The following TSPAN18 variants were observed in gnomAD, a reference collection of about 807,000 sequenced individuals.
TSPAN18 encodes tetraspanin-18.
In TSPAN18, 14 loss-of-function variants were observed where a neutral mutation model predicts 27.3. That is an observed-to-expected ratio of 0.51 (90% CI 0.34 to 0.80). The LOEUF is 0.80. Among genes scored for constraint, TSPAN18 ranks in the 30% least tolerant of loss-of-function variants. The pLI, the probability that TSPAN18 is intolerant of heterozygous loss-of-function variation, is 0.01. For synonymous variants in TSPAN18, 143 were observed against 136.5 expected (o/e 1.05, Z -0.33); for missense variants, 268 against 323.9 (o/e 0.83, Z 1.32).
intron 7 of TSPAN18, 123 bp downstream of exon 7, chr11:44,919,435 A>G (rs1860041817): frequency 2.3e-6 from 2 of 859,726 alleles, no homozygotes; most frequent in Admixed American, 3.9e-5. Context: ...CTGGCCTTGG[A>G]ATCACCATCC....
At chr11:44,850,499 G>T (rs1857575528) in intron 2 of TSPAN18, among the ~76,000 whole-genome samples, 1 of 152,120 alleles carries the variant, frequency 6.6e-6, no homozygotes, top group South Asian at 2.1e-4. Flanking sequence ...TGCATAAGCT[G>T]CCTGGCTTGG....
Position 44,919,987 on chromosome 11 carries a change from C to G in TSPAN18, c.603C>G (p.Phe201Leu), listed in dbSNP as rs757975447. ...REECLLGRSLFLNKQGCYTVI... is the reference protein window; with the variant it reads ...REECLLGRSLLLNKQGCYTVI... ...AGTGCCTCCTGGGAAGGAGCCTATT[C>G]CTAAACAAGCAGGTACTGGCCCTGC... The change falls in exon 8 of 10, where the codon TTC (phenylalanine) becomes TTG (leucine). Residue 201 changes from phenylalanine to leucine, a missense_variant. Physicochemically the swap from Phe to Leu is conservative, Grantham distance 22 (BLOSUM62 0). Coordinates refer to ENST00000520358, the MANE Select transcript of TSPAN18 (RefSeq NM_130783.5). The G allele has an allele frequency of 3.8e-5, 61 of 1,613,432 alleles. No individual in the cohort carries two copies. The Admixed American group carries it at 1.0e-3, about 27-fold the overall frequency.
At chr11:44,840,112 ACTC>A (rs1234913602) in intron 2 of TSPAN18, among the ~76,000 whole-genome samples, 1 of 151,992 alleles carries the variant, frequency 6.6e-6, no homozygotes, top group Non-Finnish European at 1.5e-5. Flanking sequence ...CAGAGAGAAA[ACTC>A]CTGAGGCCAG....
At chr11:44,843,550 G>C (rs1335375890) in intron 2 of TSPAN18, among the ~76,000 whole-genome samples, 3 of 152,114 alleles carry the variant, frequency 2.0e-5, no homozygotes, top group Non-Finnish European at 2.9e-5. Flanking sequence ...GAGATCAACC[G>C]GTCTGACCAA....
At chr11:44,850,720 T>C (rs761492720) in intron 2 of TSPAN18, among the ~76,000 whole-genome samples, 5 of 152,128 alleles carry the variant, frequency 3.3e-5, no homozygotes, top group African/African-American at 1.2e-4. Flanking sequence ...GGTCACATAG[T>C]AAGTGATGAG....
At chr11:44,888,469 C>T (rs1443941953) in intron 3 of TSPAN18, among the ~76,000 whole-genome samples, 3 of 152,144 alleles carry the variant, frequency 2.0e-5, no homozygotes, top group Non-Finnish European at 4.4e-5. Flanking sequence ...CTAGTACCCC[C>T]TGTATTCTCT....
At chr11:44,844,718 A>G (rs975484661) in intron 2 of TSPAN18, among the ~76,000 whole-genome samples, 5 of 152,146 alleles carry the variant, frequency 3.3e-5, no homozygotes, top group Non-Finnish European at 7.4e-5. Context: ...AGTTCTTTAT[A>G]TATTTCGGAT....
At chr11:44,870,233 C>G (rs1399259429) in intron 3 of TSPAN18, among the ~76,000 whole-genome samples, 1 of 152,178 alleles carries the variant, frequency 6.6e-6, no homozygotes. Flanking sequence ...ATGTGGCATA[C>G]ATTTGCCATC....
intron 2 of TSPAN18, among the ~76,000 whole-genome samples, 181 bp downstream of exon 2, chr11:44,764,693 C>T (rs1855526782): frequency 6.6e-6 from 1 of 152,190 alleles, no homozygotes. Context: ...CACCCCTAGA[C>T]ATTTACTCAT....
At chr11:44,801,050 A>G (rs768349535) in intron 2 of TSPAN18, among the ~76,000 whole-genome samples, 2 of 152,158 alleles carry the variant, frequency 1.3e-5, no homozygotes, top group African/African-American at 4.8e-5. Context: ...TTGTCCCCTC[A>G]TATCTATGGA....
intron 6 of TSPAN18, among the ~76,000 whole-genome samples, chr11:44,918,283 C>G (rs907706357): frequency 6.6e-6 from 1 of 152,230 alleles, no homozygotes; most frequent in East Asian, 1.9e-4. Flanking sequence ...CTGGTACAAC[C>G]CCATACCTTA....
chr11:44,801,386 GTC>G (rs1474766414), intron 2 of TSPAN18, among the ~76,000 whole-genome samples: 1 of 152,154 alleles, frequency 6.6e-6, no homozygotes, highest in African/African-American at 2.4e-5. Flanking sequence ...GTCCCTGTCT[GTC>G]TCTGTCTCTG....
At chr11:44,915,798 C>G (rs143859483) in intron 5 of TSPAN18, among the ~76,000 whole-genome samples, 1 of 152,324 alleles carries the variant, frequency 6.6e-6, no homozygotes, top group East Asian at 1.9e-4. Flanking sequence ...CTTCCCTTCT[C>G]CAGCTTCAGC....
intron 2 of TSPAN18, among the ~76,000 whole-genome samples, chr11:44,812,680 C>G (rs1046321387): frequency 4.9e-4 from 74 of 152,206 alleles, no homozygotes; most frequent in African/African-American, 1.7e-3. Flanking sequence ...CCAAAGGGTG[C>G]CAGGGATCAT....
At chr11:44,865,909 C>T (rs977941082) in intron 3 of TSPAN18, among the ~76,000 whole-genome samples, 15 of 152,232 alleles carry the variant, frequency 9.9e-5, no homozygotes, top group African/African-American at 3.6e-4. Context: ...TATGGGGTCT[C>T]AGAGTCCTGG....
At chr11:44,812,775 G>A (rs1856745361) in intron 2 of TSPAN18, among the ~76,000 whole-genome samples, 1 of 152,220 alleles carries the variant, frequency 6.6e-6, no homozygotes, top group Non-Finnish European at 1.5e-5. Flanking sequence ...GTATCTGAGG[G>A]AGGGAGAGGG....
chr11:44,861,580 C>T (rs1857887573), intron 3 of TSPAN18, among the ~76,000 whole-genome samples: 1 of 151,624 alleles, frequency 6.6e-6, no homozygotes, highest in African/African-American at 2.4e-5. Flanking sequence ...AGGGAAAATC[C>T]AAGCATTATT....
chr11:44,881,286 T>C (rs1858482499), intron 3 of TSPAN18, among the ~76,000 whole-genome samples: 1 of 152,184 alleles, frequency 6.6e-6, no homozygotes, highest in South Asian at 2.1e-4. Context: ...GCCAGTCCTG[T>C]CCTGGTGAGC....
intron 2 of TSPAN18, among the ~76,000 whole-genome samples, chr11:44,800,550 C>T (rs1856457208): frequency 6.6e-6 from 1 of 152,206 alleles, no homozygotes. Context: ...GTATGAAGTT[C>T]CCCTTCCATA....
Sources: gnomAD v4.1 joint callset for allele counts (sites outside exome capture counted in the v4.1 genomes callset) on GRCh38, gnomAD v4.1.1 for gene constraint, MANE v1.5 for transcripts, NCBI Gene and HGNC (gene_info 2026-07-23, HGNC 2026-07-21) for gene names.